Variants in GPC5 observed in about 807,000 individuals in gnomAD.
GPC5 encodes the protein glypican 5, also known as glypican-5.
In GPC5, 47 loss-of-function variants were observed where a neutral mutation model predicts 53.9. The ratio of observed to expected loss-of-function variants is 0.87; its 90% confidence interval spans 0.69 to 1.11. The LOEUF is 1.11. GPC5 is among the 50% of genes most tolerant of loss of function. The pLI, the probability that GPC5 is intolerant of heterozygous loss-of-function variation, is 0.00. For synonymous variants in GPC5, 286 were observed against 263.3 expected, an observed-to-expected ratio of 1.09 and a Z score of -0.84; for missense variants, 748 against 713.1, an observed-to-expected ratio of 1.05 and a Z score of -0.56.
intron 1 of GPC5, among the ~76,000 whole-genome samples, chr13:91,434,286 T>C (rs1879734921): frequency 1.3e-5 from 2 of 152,170 alleles, no homozygotes; most frequent in African/African-American, 2.4e-5. Context: ...CATGCCTATG[T>C]CCTGAATGGT....
intron 6 of GPC5, among the ~76,000 whole-genome samples, chr13:92,020,683 C>CTTT (rs71113782): frequency 7.1e-5 from 10 of 140,662 alleles, no homozygotes; most frequent in South Asian, 4.5e-4. Flanking sequence ...TTAGTTTATT[C>CTTT]TTTTTTTTTT....
intron 7 of GPC5, among the ~76,000 whole-genome samples, chr13:92,559,559 T>C (rs1397684830): frequency 6.6e-6 from 1 of 151,532 alleles, no homozygotes; most frequent in African/African-American, 2.4e-5. Context: ...ATCTGGCTCT[T>C]ACACTCCAAC....
chr13:92,386,788 T>G (rs1874748146), intron 7 of GPC5, among the ~76,000 whole-genome samples: 1 of 152,056 alleles, frequency 6.6e-6, no homozygotes, highest in South Asian at 2.1e-4. Context: ...CTCCAGTTAG[T>G]TTCCATTTTT....
chr13:91,835,735 G>T (rs182239581), intron 5 of GPC5, among the ~76,000 whole-genome samples: 1 of 152,104 alleles, frequency 6.6e-6, no homozygotes, highest in Admixed American at 6.6e-5. Context: ...GGCCTGTCGG[G>T]GGTTGGGGGG....
intron 7 of GPC5, among the ~76,000 whole-genome samples, chr13:92,749,811 AAGACT>A (rs1337672099): frequency 6.6e-6 from 1 of 152,224 alleles, no homozygotes; most frequent in African/African-American, 2.4e-5. Context: ...TTAAAAAGAA[AAGACT>A]TATTCAGAGA....
chr13:91,457,322 G>T (rs901376293), intron 2 of GPC5, among the ~76,000 whole-genome samples: 4 of 151,944 alleles, frequency 2.6e-5, no homozygotes, highest in African/African-American at 9.7e-5. Context: ...ATGATGGTTA[G>T]TGACCACATT....
At chr13:91,496,762 T>A (rs1454645239) in intron 2 of GPC5, among the ~76,000 whole-genome samples, 2 of 152,060 alleles carry the variant, frequency 1.3e-5, no homozygotes, top group African/African-American at 4.8e-5. Context: ...TTATAGTACA[T>A]TCAAAAATAA....
intron 2 of GPC5, among the ~76,000 whole-genome samples, chr13:91,535,298 C>A (rs1024225777): frequency 2.0e-5 from 3 of 152,164 alleles, no homozygotes; most frequent in African/African-American, 7.2e-5. Flanking sequence ...TACTCTAAAC[C>A]CTGATTTCTA....
chr13:92,070,528 T>C (rs1296218680), intron 6 of GPC5, among the ~76,000 whole-genome samples: 2 of 152,234 alleles, frequency 1.3e-5, no homozygotes, highest in African/African-American at 2.4e-5. Context: ...TTTTTAAAAT[T>C]AGATTTCTAG....
At chr13:92,813,383 C>A (rs775348577) in intron 7 of GPC5, among the ~76,000 whole-genome samples, 1 of 151,918 alleles carries the variant, frequency 6.6e-6, no homozygotes, top group East Asian at 1.9e-4. Context: ...AAACGTAGTT[C>A]TTACTTGAAA....
intron 2 of GPC5, among the ~76,000 whole-genome samples, chr13:91,526,947 G>T (rs1886115774): frequency 6.6e-6 from 1 of 151,980 alleles, no homozygotes; most frequent in African/African-American, 2.4e-5. Context: ...AGCATGGGGG[G>T]AACTGCCACC....
chr13:91,466,251 T>C (rs754537501), intron 2 of GPC5, among the ~76,000 whole-genome samples: 3 of 152,132 alleles, frequency 2.0e-5, no homozygotes, highest in Non-Finnish European at 4.4e-5. Flanking sequence ...GGAGGTGATG[T>C]GGGTCTCTAC....
chr13:92,025,242 A>G (rs1346218649), intron 6 of GPC5, among the ~76,000 whole-genome samples: 1 of 151,924 alleles, frequency 6.6e-6, no homozygotes, highest in Non-Finnish European at 1.5e-5. Context: ...TTATAGTTGG[A>G]CAGCTTTTCC....
At chr13:92,594,978 G>T (rs1275842347) in intron 7 of GPC5, among the ~76,000 whole-genome samples, 1 of 152,168 alleles carries the variant, frequency 6.6e-6, no homozygotes, top group Non-Finnish European at 1.5e-5. Context: ...GTCCAGTGTG[G>T]TGAGTATAAG....
In GPC5 at chr13:91,640,968, T is replaced by A. The variant is rs576929162; in HGVS notation, c.326-52219T>A. Among the ~76,000 whole-genome samples the A allele has an allele frequency of 2.9e-4, 44 of 152,270 alleles. 1 individual carries two copies. The South Asian group carries it at 4.6e-3, about 16-fold the overall frequency. The stretch of plus-strand genomic sequence containing the variant: ...AGCCATAAAGTGGAATTAGATCATG[T>A]CCTTTGCAGGGACATGGATAGAGCT... On this transcript the variant is annotated intron_variant, in intron 2 of 7. Transcript: ENST00000377067.
chr13:92,097,619 T>G (rs1244649052), intron 6 of GPC5, among the ~76,000 whole-genome samples: 2 of 152,188 alleles, frequency 1.3e-5, no homozygotes, highest in Non-Finnish European at 2.9e-5. Context: ...AAGCCTTTGC[T>G]CTACTGGAGA....
At chr13:92,844,461 C>T (rs376611309) in intron 7 of GPC5, among the ~76,000 whole-genome samples, 4 of 151,884 alleles carry the variant, frequency 2.6e-5, no homozygotes, top group Non-Finnish European at 4.4e-5. Context: ...AAGACTTAAC[C>T]GGAGTAGAAA....
chr13:92,039,820 G>T (rs2088210403), intron 6 of GPC5, among the ~76,000 whole-genome samples: 1 of 151,984 alleles, frequency 6.6e-6, no homozygotes, highest in Non-Finnish European at 1.5e-5. Flanking sequence ...AGTCATATTG[G>T]ATTAAGGCCA....
chr13:91,917,319 C>G (rs191245412), intron 6 of GPC5, among the ~76,000 whole-genome samples: 11 of 152,356 alleles, frequency 7.2e-5, no homozygotes, highest in African/African-American at 2.6e-4. Flanking sequence ...ATCCAGGTCA[C>G]ACTGATGCAA....
Sources: gnomAD v4.1 joint callset for allele counts (sites outside exome capture counted in the v4.1 genomes callset) on GRCh38, gnomAD v4.1.1 for gene constraint, MANE v1.5 for transcripts, NCBI Gene and HGNC (gene_info 2026-07-23, HGNC 2026-07-21) for gene names.